Variants in SLIT3 observed in about 807,000 individuals in gnomAD.
SLIT3 encodes slit guidance ligand 3.
SLIT3 carries 68 observed loss-of-function variants against 184.0 expected under a neutral mutation model. That is an observed-to-expected ratio of 0.37 (90% CI 0.30 to 0.45). The LOEUF (loss-of-function observed/expected upper bound fraction) is 0.45. Among genes scored for constraint, SLIT3 ranks in the 20% least tolerant of loss-of-function variants. SLIT3 has a pLI of 1.00. For synonymous variants in SLIT3, 831 were observed against 828.6 expected (o/e 1.00, Z -0.05); for missense variants, 1,707 against 2,026.0 (o/e 0.84, Z 3.02).
intron 11 of SLIT3, among the ~76,000 whole-genome samples, chr5:168,789,201 C>T (rs570279596): frequency 6.0e-5 from 9 of 149,350 alleles, no homozygotes; most frequent in East Asian, 2.0e-4. Context: ...GTAATAAACA[C>T]GCATCACCAT....
At chr5:168,803,414 G>A (rs1756838275) in intron 9 of SLIT3, among the ~76,000 whole-genome samples, 1 of 152,230 alleles carries the variant, frequency 6.6e-6, no homozygotes, top group African/African-American at 2.4e-5. Context: ...GGCAATTACT[G>A]TTCTAGCTTG....
intron 5 of SLIT3, among the ~76,000 whole-genome samples, chr5:168,847,224 T>G (rs1758505103): frequency 6.6e-6 from 1 of 152,246 alleles, no homozygotes; most frequent in East Asian, 1.9e-4. Context: ...GTGTATTTTA[T>G]AGACTATTTT....
At chr5:169,182,261 C>T (rs1763186606) in intron 4 of SLIT3, among the ~76,000 whole-genome samples, 1 of 152,158 alleles carries the variant, frequency 6.6e-6, no homozygotes, top group African/African-American at 2.4e-5. Flanking sequence ...AACTCAGGTC[C>T]AGCTCACCAA....
In SLIT3 at chr5:168,662,150, G is replaced by A. The variant is rs1475256803; in HGVS notation, c.*4304C>T. 1 of 152,232 alleles carries A rather than the reference G, an allele frequency of 6.6e-6. No individual in the cohort carries two copies. The highest frequency in any genetic ancestry group is 2.4e-5 in the African/African-American group (1 of 41,456). The allele number at this position is 152,232 out of a possible 1,614,324, so 9.4% of individuals were successfully genotyped here. On this transcript the variant is annotated 3_prime_UTR_variant, in exon 36 of 36. Transcript: ENST00000519560. The stretch of plus-strand genomic sequence containing the variant: ...GGTAGCAGGAAGAACTTTGGCCTGG[G>A]TGGACACATGGGGTTAATTATCTGT...
chr5:168,687,527 G>A (rs903887245), intron 29 of SLIT3, among the ~76,000 whole-genome samples: 2 of 152,150 alleles, frequency 1.3e-5, no homozygotes, highest in African/African-American at 4.8e-5. Context: ...GAAACCAGAG[G>A]GCAGAGAGCA....
intron 5 of SLIT3, among the ~76,000 whole-genome samples, chr5:168,876,056 T>C (rs1309273566): frequency 6.6e-6 from 1 of 152,114 alleles, no homozygotes; most frequent in East Asian, 1.9e-4. Context: ...GCACCCCATT[T>C]GAGACGAGAG....
intron 20 of SLIT3, among the ~76,000 whole-genome samples, chr5:168,746,481 T>C (rs1422981399): frequency 1.4e-5 from 1 of 71,052 alleles, no homozygotes; most frequent in Admixed American, 2.0e-4. Context: ...GGTGTGGGTG[T>C]GGTGGTGTGT....
chr5:168,697,297 T>G (rs992957420), intron 27 of SLIT3, among the ~76,000 whole-genome samples: 3 of 152,206 alleles, frequency 2.0e-5, no homozygotes, highest in African/African-American at 7.2e-5. Context: ...TTTCCTTCAC[T>G]TGTCTCTAGA....
At chr5:169,062,751 A>C (rs1447255387) in intron 4 of SLIT3, among the ~76,000 whole-genome samples, 1 of 152,168 alleles carries the variant, frequency 6.6e-6, no homozygotes, top group Non-Finnish European at 1.5e-5. Flanking sequence ...TTCTTTACCC[A>C]TGAGTCCCCC....
chr5:169,140,474 C>G (rs1223574417), intron 4 of SLIT3, among the ~76,000 whole-genome samples: 1 of 87,150 alleles, frequency 1.1e-5, no homozygotes, highest in Non-Finnish European at 2.1e-5. Flanking sequence ...GAGTGAAACT[C>G]TAACTCAAAA....
At chr5:169,123,223 G>A (rs1462847432) in intron 4 of SLIT3, among the ~76,000 whole-genome samples, 2 of 152,090 alleles carry the variant, frequency 1.3e-5, no homozygotes, top group African/African-American at 2.4e-5. Flanking sequence ...AGAGCAACAT[G>A]AACTCTGCTA....
Position 168,770,656 on chromosome 5 carries a change from G to GT in SLIT3, c.1459+2124dup, listed in dbSNP as rs35003831. Among the ~76,000 whole-genome samples the GT allele has an allele frequency of 8.7e-4, 131 of 149,974 alleles. 2 individuals are homozygous for GT. The highest frequency in any genetic ancestry group is 3.7e-3 in the East Asian group (19 of 5,078). On this transcript the variant is annotated intron_variant, in intron 14 of 35. Coordinates refer to ENST00000519560, the MANE Select transcript of SLIT3 (RefSeq NM_003062.4). ...TAGGAATAATCTTTCGCTTAGCATT[G>GT]TTTTTTTTTTTAAAAAAGGTATCTT...
intron 4 of SLIT3, among the ~76,000 whole-genome samples, chr5:169,083,172 T>C (rs1759141075): frequency 6.6e-6 from 1 of 152,220 alleles, no homozygotes; most frequent in Admixed American, 6.5e-5. Context: ...ACTAATTTCA[T>C]TGTTGACTCT....
intron 4 of SLIT3, among the ~76,000 whole-genome samples, chr5:168,893,367 C>G (rs997645931): frequency 6.6e-6 from 1 of 152,160 alleles, no homozygotes; most frequent in Non-Finnish European, 1.5e-5. Context: ...GTCCCCACCC[C>G]CTCTGTCCCT....
At chr5:168,754,495 G>A (rs1250644058) in intron 16 of SLIT3, among the ~76,000 whole-genome samples, 1 of 152,114 alleles carries the variant, frequency 6.6e-6, no homozygotes, top group Non-Finnish European at 1.5e-5. Flanking sequence ...AAGGTTTGAG[G>A]GAGATGAAGA....
In SLIT3 at chr5:168,817,297, C is replaced by T. The variant is rs1164098107; in HGVS notation, c.793+3G>A. On this transcript the variant is annotated splice_donor_region_variant and intron_variant, in intron 8 of 35. Coordinates refer to ENST00000519560, the MANE Select transcript of SLIT3 (RefSeq NM_003062.4). The stretch of plus-strand genomic sequence containing the variant: ...GAGGGGAGAGCAGGTAAAGCATCCT[C>T]ACCTGGGCACACGTACTCCTTCTTC... 1 of 1,613,836 alleles carries T rather than the reference C, an allele frequency of 6.2e-7. No individual in the cohort carries two copies. Among genetic ancestry groups the T allele is most frequent in the East Asian group, 2.2e-5 (1 of 44,884 alleles).
chr5:169,018,887 C>A (rs1236795780), intron 4 of SLIT3, among the ~76,000 whole-genome samples: 1 of 152,282 alleles, frequency 6.6e-6, no homozygotes, highest in Admixed American at 6.5e-5. Flanking sequence ...TCTGGGACTC[C>A]TTTCCCTAGG....
At chr5:169,003,528 G>A (rs1048617337) in intron 4 of SLIT3, among the ~76,000 whole-genome samples, 1 of 152,248 alleles carries the variant, frequency 6.6e-6, no homozygotes, top group African/African-American at 2.4e-5. Context: ...AGGGGCCAGA[G>A]TGGCCGTGAA....
intron 7 of SLIT3, among the ~76,000 whole-genome samples, chr5:168,821,307 AAAG>A (rs2113665757): frequency 6.6e-6 from 1 of 152,342 alleles, no homozygotes; most frequent in African/African-American, 2.4e-5. Context: ...TGAAAATAAC[AAAG>A]AAGGGAAGGA....
Sources: gnomAD v4.1 joint callset for allele counts (sites outside exome capture counted in the v4.1 genomes callset) on GRCh38, gnomAD v4.1.1 for gene constraint, MANE v1.5 for transcripts, NCBI Gene and HGNC (gene_info 2026-07-23, HGNC 2026-07-21) for gene names.